Variants in HAS3 observed in about 807,000 individuals in gnomAD.
The protein encoded by HAS3 is hyaluronan synthase 3.
Under a neutral mutation model 50.3 loss-of-function variants are expected in HAS3, and 27 were observed. The observed-to-expected ratio is 0.54, with a 90% confidence interval of 0.40 to 0.74. The LOEUF is 0.74. Among genes scored for constraint, HAS3 ranks in the 30% least tolerant of loss-of-function variants. HAS3 has a pLI of 0.00. For missense variants in HAS3, 517 were observed against 742.8 expected, an observed-to-expected ratio of 0.70 and a Z score of 3.53; for synonymous variants, 339 against 310.9, an observed-to-expected ratio of 1.09 and a Z score of -0.95.
At position 69,116,863 on chromosome 16, in the gene HAS3, G is replaced by A. The variant is rs566964921; in HGVS notation, c.*1597G>A. 4.1e-5 allele frequency: 40 copies of A among 985,408 alleles called. 1 individual carries two copies. The highest frequency in any genetic ancestry group is 1.6e-4 in the African/African-American group (9 of 57,348). The allele number at this position is 985,408 out of a possible 1,614,324, so 61.0% of individuals were successfully genotyped here. On this transcript the variant is annotated 3_prime_UTR_variant, in exon 4 of 4. Coordinates refer to ENST00000569188, the MANE Select transcript of HAS3 (RefSeq NM_001199280.2). ...CTTTCTCAGAGGGGCCAGCTAACCC[G>A]TGCAGAACCAGCACTAAGGTGGACA...
chr16:69,091,066 G>A, the HAS3 span, among the ~76,000 whole-genome samples: 40,602 of 151,988 alleles, frequency 0.27, 6,090 homozygotes, highest in African/African-American at 0.41. Flanking sequence ...CATTGCTGCT[G>A]CCCAAGAGAT....
chr16:69,089,915 T>C, the HAS3 span, among the ~76,000 whole-genome samples: 1 of 152,156 alleles, frequency 6.6e-6, no homozygotes, highest in African/African-American at 2.4e-5. Context: ...TTTTGGAAAG[T>C]CATTTTCCAT....
At chr16:69,110,756 T>C (rs1368117795) in intron 2 of HAS3, among the ~76,000 whole-genome samples, 1 of 152,190 alleles carries the variant, frequency 6.6e-6, no homozygotes, top group African/African-American at 2.4e-5. Context: ...AAGTCTTCTC[T>C]TACCTGTGAT....
the HAS3 span, among the ~76,000 whole-genome samples, chr16:69,087,075 G>T: frequency 6.6e-6 from 1 of 152,022 alleles, no homozygotes; most frequent in Admixed American, 6.6e-5. Flanking sequence ...CCTCCACCTG[G>T]CTTGCTGAGG....
At chr16:69,090,838 G>A in the HAS3 span, among the ~76,000 whole-genome samples, 3 of 152,186 alleles carry the variant, frequency 2.0e-5, no homozygotes, top group Admixed American at 1.3e-4. Flanking sequence ...CTCCCAAAGT[G>A]CTGGGATTAC....
chr16:69,118,453 A>G (rs1961335245), downstream of HAS3: 1 of 1,600,524 alleles, frequency 6.2e-7, no homozygotes. Flanking sequence ...ACGTTTCTAG[A>G]GAGCAGTGAG....
Position 69,117,548 on chromosome 16 carries a change from A to G in HAS3, c.*2282A>G, listed in dbSNP as rs1961240899. 3.3e-6 allele frequency: 3 copies of G among 915,732 alleles called. No homozygotes were observed. The Admixed American group carries it at 1.9e-4, about 57-fold the overall frequency. 56.7% of individuals were successfully genotyped at this position (915,732 alleles called of 1,614,324 possible). On this transcript the variant is annotated 3_prime_UTR_variant, in exon 4 of 4. Coordinates refer to ENST00000569188, the MANE Select transcript of HAS3 (RefSeq NM_001199280.2). ...TCCTCTTTTGTATTGTTTCTACAATAATTTGTAAACATATTTATTTTTACC... is the reference window on the plus strand; with the variant it reads ...TCCTCTTTTGTATTGTTTCTACAATGATTTGTAAACATATTTATTTTTACC...
rs376274299 is a variant in HAS3 at position 69,117,195 on chromosome 16, G to A, written c.*1929G>A. ...TTGAGCATTAGAATGGAGGAAATCC[G>A]GTCAGCCAAGTGCAGAGTTCAGACT... On this transcript the variant is annotated 3_prime_UTR_variant, in exon 4 of 4. Coordinates refer to ENST00000569188, the MANE Select transcript of HAS3 (RefSeq NM_001199280.2). The A allele has an allele frequency of 1.5e-4, 144 of 985,728 alleles. No individual in the cohort carries two copies. The highest frequency in any genetic ancestry group is 1.6e-4 in the Non-Finnish European group (131 of 829,940). The allele number at this position is 985,728 out of a possible 1,614,324, so 61.1% of individuals were successfully genotyped here. A position where few individuals can be genotyped will look rare whatever the true frequency, so the allele number is the denominator to read the frequency against.
the HAS3 span, among the ~76,000 whole-genome samples, chr16:69,094,716 T>C: frequency 6.6e-6 from 1 of 152,272 alleles, no homozygotes; most frequent in East Asian, 1.9e-4. Context: ...TCCAAGTTGT[T>C]TTGACAGTTC....
rs960598434 is a variant in HAS3 at position 69,115,583 on chromosome 16, T to G, written c.*317T>G. ...ACTCAGAAGTTGTGCTAAACCAAGTTAAGTCCCATTCAGTGGCAACTTGTG... is the reference window on the plus strand; with the variant it reads ...ACTCAGAAGTTGTGCTAAACCAAGTGAAGTCCCATTCAGTGGCAACTTGTG... On this transcript the variant is annotated 3_prime_UTR_variant, in exon 4 of 4. Transcript: ENST00000569188. 8.4e-6 allele frequency: 9 copies of G among 1,070,304 alleles called. No homozygotes were observed. Among genetic ancestry groups the G allele is most frequent in the Non-Finnish European group, 1.0e-5 (9 of 884,850 alleles). The allele number at this position is 1,070,304 out of a possible 1,614,324, so 66.3% of individuals were successfully genotyped here.
rs1266769031 is a variant in HAS3, at chr16:69,109,856, A to C, written c.461A>C (p.Asn154Thr). 1 of 1,613,598 alleles carries C rather than the reference A, an allele frequency of 6.2e-7. No homozygotes were observed. Among genetic ancestry groups the C allele is most frequent in the South Asian group, 1.1e-5 (1 of 91,088 alleles). Residue 154 changes from asparagine (N) to threonine (T), a missense_variant, in exon 2 of 4, where the codon AAC (asparagine) becomes ACC (threonine). By Grantham distance (65) the Asn-to-Thr change is moderately conservative. Coordinates refer to ENST00000569188, the MANE Select transcript of HAS3 (RefSeq NM_001199280.2). The surrounding 1 kb of genome is among the most constrained non-coding windows in gnomAD (Gnocchi z 5.3). ...EQAGFFVWRSNFHEAGEGETE... is the reference protein window; with the variant it reads ...EQAGFFVWRSTFHEAGEGETE... ...GCCGGCTTCTTTGTGTGGCGCAGCA[A>C]CTTCCATGAGGCAGGCGAGGGTGAG...
chr16:69,094,868 C>A, the HAS3 span, among the ~76,000 whole-genome samples: 1 of 152,148 alleles, frequency 6.6e-6, no homozygotes, highest in African/African-American at 2.4e-5. Context: ...TCCATCTGAT[C>A]CTGTTCCTCT....
the HAS3 span, among the ~76,000 whole-genome samples, chr16:69,098,159 G>A: frequency 5.9e-5 from 9 of 152,246 alleles, no homozygotes; most frequent in South Asian, 4.1e-4. Flanking sequence ...CGAGGCGGGA[G>A]GATCACGAGG....
At chr16:69,085,124 A>C in the HAS3 span, 1 of 152,306 alleles carries the variant, frequency 6.6e-6, no homozygotes. Flanking sequence ...TCTAAGAAGA[A>C]TCTCCTTTGG....
chr16:69,107,477 G>T lies in HAS3; in HGVS notation c.-1+1690G>T. On this transcript the variant is annotated intron_variant, in intron 1 of 3. Transcript: ENST00000569188. This position sits in a 1 kb window ranked among gnomAD's most constrained non-coding sequence, Gnocchi z 5.5. ...CGGTTGGGTCGTGGGAAAGCGGCAC[G>T]TGGGTGTGGCCGGCGCCGCCTTTGC... 1.0e-6 allele frequency: 1 copy of T among 985,700 alleles called. No individual in the cohort carries two copies. Among genetic ancestry groups the T allele is most frequent in the South Asian group, 4.7e-5 (1 of 21,296 alleles). 61.1% of individuals were successfully genotyped at this position (985,700 alleles called of 1,614,324 possible).
At position 69,115,061 on chromosome 16, in the gene HAS3, T is replaced by C. The variant is rs1213250229; in HGVS notation, c.1457T>C (p.Ile486Thr). The C allele has an allele frequency of 3.7e-6, 6 of 1,614,066 alleles. No individual in the cohort carries two copies. The highest frequency in any genetic ancestry group is 5.1e-6 in the Non-Finnish European group (6 of 1,179,950). ...VNFIGLIPVS[I>T]WVAVLLGGLA... ...TTCATTGGCCTCATTCCTGTGTCCATCTGGGTGGCAGTTCTCCTGGGAGGG... is the reference window on the plus strand; with the variant it reads ...TTCATTGGCCTCATTCCTGTGTCCACCTGGGTGGCAGTTCTCCTGGGAGGG... Residue 486 changes from isoleucine to threonine, a missense_variant, in exon 4 of 4, where the codon ATC becomes ACC. Physicochemically the swap from Ile to Thr is moderately conservative, Grantham distance 89. Coordinates refer to ENST00000569188, the MANE Select transcript of HAS3 (RefSeq NM_001199280.2).
upstream of HAS3, among the ~76,000 whole-genome samples, chr16:69,104,849 G>A (rs1054407359): frequency 4.6e-5 from 7 of 152,048 alleles, no homozygotes; most frequent in African/African-American, 1.7e-4. Context: ...ATGGTGGGCA[G>A]GCAAGTCCCT....
the HAS3 span, among the ~76,000 whole-genome samples, chr16:69,098,786 C>T: frequency 6.6e-6 from 1 of 151,096 alleles, no homozygotes; most frequent in Non-Finnish European, 1.5e-5. Flanking sequence ...CTGCCTCAGC[C>T]TCCCAAGTAG....
At chr16:69,084,297 A>G in the HAS3 span, 2 of 152,462 alleles carry the variant, frequency 1.3e-5, no homozygotes, top group South Asian at 4.1e-4. Context: ...AAGGACAATC[A>G]AGCTGGTTGA....
Sources: allele counts gnomAD v4.1 joint callset (sites outside exome capture counted in the v4.1 genomes callset), GRCh38; gene constraint gnomAD v4.1.1; non-coding constraint Gnocchi (gnomAD v3.1); transcripts MANE v1.5; gene names NCBI Gene and HGNC (gene_info 2026-07-23, HGNC 2026-07-21).